The following TUSC3 variants were observed in gnomAD, a reference collection of about 807,000 sequenced individuals.
TUSC3 encodes tumor suppressor candidate 3, also known as dolichyl-diphosphooligosaccharide--protein glycosyltransferase subunit TUSC3.
In TUSC3, 45 loss-of-function variants were observed where a neutral mutation model predicts 44.8. That is an observed-to-expected ratio of 1.00 (90% confidence interval 0.79 to 1.29). The LOEUF is 1.29. Among genes scored for constraint, TUSC3 ranks in the 50% most tolerant of loss-of-function variants. The pLI is 0.00. For synonymous variants in TUSC3, 212 were observed against 152.9 expected (o/e 1.39, Z -2.85); for missense variants, 519 against 437.9 (o/e 1.19, Z -1.65).
At chr8:15,714,158 A>G (rs1048545514) in intron 6 of TUSC3, among the ~76,000 whole-genome samples, 1 of 152,162 alleles carries the variant, frequency 6.6e-6, no homozygotes, top group African/African-American at 2.4e-5. Flanking sequence ...GTCTGTATAA[A>G]TTGCATTATA....
At chr8:15,846,694 G>C in the TUSC3 span, among the ~76,000 whole-genome samples, 1 of 152,126 alleles carries the variant, frequency 6.6e-6, no homozygotes, top group East Asian at 1.9e-4. Context: ...ACAGGGAGGG[G>C]AACATCACAC....
At chr8:15,775,635 T>C in the TUSC3 span, among the ~76,000 whole-genome samples, 38 of 38,286 alleles carry the variant, frequency 9.9e-4, no homozygotes, top group East Asian at 4.1e-3. Flanking sequence ...TACAGACACA[T>C]ATATATATAT....
chr8:15,700,849 C>CTT (rs71211076), intron 6 of TUSC3, among the ~76,000 whole-genome samples: 7 of 90,532 alleles, frequency 7.7e-5, no homozygotes, highest in African/African-American at 3.4e-4. Flanking sequence ...ATGGCTGGAG[C>CTT]TTTTTTTTTT....
At chr8:15,815,914 G>A in the TUSC3 span, among the ~76,000 whole-genome samples, 1 of 152,168 alleles carries the variant, frequency 6.6e-6, no homozygotes, top group South Asian at 2.1e-4. Flanking sequence ...TACAGTAGAA[G>A]TTCTCTGTAA....
chr8:15,701,491 G>C (rs968431326), intron 6 of TUSC3, among the ~76,000 whole-genome samples: 2 of 152,138 alleles, frequency 1.3e-5, no homozygotes, highest in Admixed American at 6.6e-5. Flanking sequence ...CAGGAAGGAA[G>C]TTAATTTTGT....
the TUSC3 span, among the ~76,000 whole-genome samples, chr8:15,826,350 G>C: frequency 6.6e-6 from 1 of 152,158 alleles, no homozygotes; most frequent in South Asian, 2.1e-4. Context: ...TAAATAACAA[G>C]TAAAGATTAA....
the TUSC3 span, among the ~76,000 whole-genome samples, chr8:15,797,520 T>A: frequency 6.6e-6 from 1 of 152,174 alleles, no homozygotes; most frequent in Admixed American, 6.5e-5. Context: ...GGAAGTGTGA[T>A]AATGCCACAG....
At chr8:15,772,310 A>G in the TUSC3 span, among the ~76,000 whole-genome samples, 4 of 152,220 alleles carry the variant, frequency 2.6e-5, no homozygotes, top group Non-Finnish European at 5.9e-5. Context: ...TGTGCTAAGA[A>G]AAAGATACAA....
At chr8:15,599,421 T>G (rs1804191766) in intron 1 of TUSC3, among the ~76,000 whole-genome samples, 1 of 151,786 alleles carries the variant, frequency 6.6e-6, no homozygotes, top group Non-Finnish European at 1.5e-5. Context: ...GAGCAGAAGT[T>G]TTAAATTTTA....
Position 15,427,984 on chromosome 8 carries a change from A to G in TUSC3, n.91+10679A>G, listed in dbSNP as rs374221396. ...TTTTTTAAATTTTTTTTTTATTATT[A>G]TACTTTTAAGTTTTAGGGTACATGT... On this transcript the variant is annotated intron_variant and non_coding_transcript_variant, in intron 1 of 5. Coordinates refer to the TUSC3 transcript ENST00000503191. Among the ~76,000 whole-genome samples, 57 of 151,484 alleles carry G rather than the reference A, an allele frequency of 3.8e-4. 1 individual carries two copies. The South Asian group carries it at 0.012, about 31-fold the overall frequency.
At chr8:15,436,710 AT>A (rs1374371523) in intron 1 of TUSC3, among the ~76,000 whole-genome samples, 2 of 152,106 alleles carry the variant, frequency 1.3e-5, no homozygotes, top group East Asian at 3.9e-4. Flanking sequence ...AAAAATACAC[AT>A]TTCATAAGAA....
the TUSC3 span, among the ~76,000 whole-genome samples, chr8:15,809,784 T>C: frequency 2.0e-5 from 3 of 152,210 alleles, no homozygotes; most frequent in African/African-American, 7.2e-5. Context: ...CGACTGTAAT[T>C]ATATTACTTA....
the TUSC3 span, among the ~76,000 whole-genome samples, chr8:15,779,115 TTTTC>T: frequency 0.28 from 38,951 of 140,270 alleles, 5,164 homozygotes; most frequent in African/African-American, 0.32. Flanking sequence ...TTTTTTTTTT[TTTTC>T]CACGTTACTT....
At chr8:15,842,332 A>G in the TUSC3 span, among the ~76,000 whole-genome samples, 1 of 152,168 alleles carries the variant, frequency 6.6e-6, no homozygotes, top group East Asian at 1.9e-4. Flanking sequence ...TCATCTATAA[A>G]TCAGTCTTAA....
At chr8:15,564,581 G>C (rs1304618395) in intron 1 of TUSC3, among the ~76,000 whole-genome samples, 1 of 151,946 alleles carries the variant, frequency 6.6e-6, no homozygotes, top group African/African-American at 2.4e-5. Flanking sequence ...TCTTTTATTA[G>C]ATTTTATTAT....
At chr8:15,741,124 C>G (rs1811175296) in intron 7 of TUSC3, among the ~76,000 whole-genome samples, 1 of 120,956 alleles carries the variant, frequency 8.3e-6, no homozygotes, top group Admixed American at 9.4e-5. Flanking sequence ...GAGTTCATGG[C>G]TTTGTGTGTG....
At chr8:15,660,561 C>T (rs1028313813) in intron 4 of TUSC3, among the ~76,000 whole-genome samples, 5 of 151,828 alleles carry the variant, frequency 3.3e-5, no homozygotes, top group Non-Finnish European at 5.9e-5. Context: ...AAAGTACGTT[C>T]GTGCAGGCAG....
intron 1 of TUSC3, among the ~76,000 whole-genome samples, chr8:15,565,604 G>C (rs946317061): frequency 6.6e-6 from 1 of 152,142 alleles, no homozygotes; most frequent in African/African-American, 2.4e-5. Flanking sequence ...GGCAGAGATT[G>C]TATCTGTTTT....
chr8:15,849,259 C>T, the TUSC3 span, among the ~76,000 whole-genome samples: 5 of 152,064 alleles, frequency 3.3e-5, no homozygotes, highest in African/African-American at 9.7e-5. Context: ...TATTCCACCT[C>T]TAAAAATATT....
Sources: gnomAD v4.1 joint callset for allele counts (sites outside exome capture counted in the v4.1 genomes callset) on GRCh38, gnomAD v4.1.1 for gene constraint, MANE v1.5 for transcripts, NCBI Gene and HGNC (gene_info 2026-07-23, HGNC 2026-07-21) for gene names.